Variants in TRABD2B observed in about 807,000 individuals in gnomAD.
TRABD2B encodes metalloprotease TIKI2.
Under a neutral mutation model 40.1 loss-of-function variants are expected in TRABD2B, and 14 were observed. That is an observed-to-expected ratio of 0.35 (90% CI 0.23 to 0.55). The LOEUF (loss-of-function observed/expected upper bound fraction) is 0.55. TRABD2B is among the 20% of genes least tolerant of loss of function. The probability of loss-of-function intolerance (pLI) is 0.90; values close to 1 mark genes in which losing one functional copy is unlikely to be tolerated. For missense variants in TRABD2B, 541 were observed against 648.6 expected (o/e 0.83, Z 1.80); for synonymous variants, 263 against 277.0 (o/e 0.95, Z 0.50).
intron 2 of TRABD2B, among the ~76,000 whole-genome samples, chr1:47,897,405 G>T (rs939892570): frequency 1.3e-5 from 2 of 152,114 alleles, no homozygotes; most frequent in Non-Finnish European, 1.5e-5. Flanking sequence ...CTGCGGAATG[G>T]CCCTGATGGA....
chr1:47,934,947 T>C (rs1260263417), intron 2 of TRABD2B, among the ~76,000 whole-genome samples: 4 of 152,186 alleles, frequency 2.6e-5, no homozygotes, highest in Non-Finnish European at 5.9e-5. Flanking sequence ...ACAGTCACAG[T>C]GAAAGGGGCC....
intron 4 of TRABD2B, among the ~76,000 whole-genome samples, chr1:47,779,899 G>A (rs776837050): frequency 1.3e-5 from 2 of 152,330 alleles, no homozygotes; most frequent in South Asian, 4.1e-4. Context: ...AGTAGAAAGT[G>A]GACAGGCTGT....
chr1:47,805,236 C>T (rs1387899890), intron 2 of TRABD2B, among the ~76,000 whole-genome samples: 3 of 152,000 alleles, frequency 2.0e-5, no homozygotes, highest in African/African-American at 7.3e-5. Flanking sequence ...CCACATTCAT[C>T]CACACACACT....
chr1:47,988,780 T>C (rs773251087), intron 2 of TRABD2B, among the ~76,000 whole-genome samples: 6 of 152,098 alleles, frequency 3.9e-5, no homozygotes, highest in Non-Finnish European at 8.8e-5. Context: ...AGCGCTCTCA[T>C]GGGACAAAGG....
At chr1:47,873,003 T>C (rs1343251534) in intron 2 of TRABD2B, among the ~76,000 whole-genome samples, 1 of 152,210 alleles carries the variant, frequency 6.6e-6, no homozygotes, top group Non-Finnish European at 1.5e-5. Flanking sequence ...GCAGATTCAG[T>C]GCCTGGTGGG....
At chr1:47,976,988 G>C (rs1357616473) in intron 2 of TRABD2B, among the ~76,000 whole-genome samples, 1 of 151,824 alleles carries the variant, frequency 6.6e-6, no homozygotes, top group East Asian at 1.9e-4. Context: ...TGTGATTCAG[G>C]TTTCACCAGT....
intron 2 of TRABD2B, among the ~76,000 whole-genome samples, chr1:47,836,369 G>A (rs1026141065): frequency 3.9e-5 from 6 of 152,318 alleles, no homozygotes; most frequent in African/African-American, 1.4e-4. Context: ...AGGCCACCCT[G>A]GTGGCCTGGC....
chr1:47,954,894 C>T (rs1165042345), intron 2 of TRABD2B, among the ~76,000 whole-genome samples: 1 of 152,174 alleles, frequency 6.6e-6, no homozygotes, highest in Non-Finnish European at 1.5e-5. Flanking sequence ...CTCTCTGTCT[C>T]TGTGCTCCAT....
chr1:47,889,509 G>T (rs1196112414), intron 2 of TRABD2B, among the ~76,000 whole-genome samples: 1 of 152,202 alleles, frequency 6.6e-6, no homozygotes, highest in African/African-American at 2.4e-5. Context: ...GTGGGGATAA[G>T]ACCTTGGAAG....
At chr1:47,778,865 T>G (rs182555351) in intron 4 of TRABD2B, among the ~76,000 whole-genome samples, 14 of 152,302 alleles carry the variant, frequency 9.2e-5, no homozygotes, top group African/African-American at 3.4e-4. Context: ...CTGCACGTAG[T>G]AAGGGCTCTC....
intron 2 of TRABD2B, among the ~76,000 whole-genome samples, chr1:47,930,347 T>C (rs1462812228): frequency 6.6e-6 from 1 of 152,112 alleles, no homozygotes; most frequent in African/African-American, 2.4e-5. Context: ...TGAGGGGTGT[T>C]GGGGTTTCTC....
At chr1:47,981,304 G>A (rs982481155) in intron 2 of TRABD2B, among the ~76,000 whole-genome samples, 2 of 152,132 alleles carry the variant, frequency 1.3e-5, no homozygotes, top group Admixed American at 1.3e-4. Flanking sequence ...ATAAGCCACT[G>A]CACCCGGCCA....
chr1:47,847,836 T>C lies in TRABD2B; in HGVS notation c.667-46217A>G, dbSNP rs555559632. 3.3e-5 allele frequency among the ~76,000 whole-genome samples: 5 copies of C among 152,336 alleles called. No individual in the cohort carries two copies. The South Asian group carries it at 8.3e-4, about 25-fold the overall frequency. On this transcript the variant is annotated intron_variant, in intron 2 of 6. Transcript: ENST00000606738. Reference sequence around the variant, plus strand: ...TTCAGAACTTGTAGGAAACGGCATATAAAACTCATATGGCACGTTAGGGCT... The same window carrying C: ...TTCAGAACTTGTAGGAAACGGCATACAAAACTCATATGGCACGTTAGGGCT...
Position 47,911,699 on chromosome 1 carries a change from G to A in TRABD2B, c.666+82335C>T, listed in dbSNP as rs183370847. Among the ~76,000 whole-genome samples, 93 of 152,314 alleles carry A rather than the reference G, an allele frequency of 6.1e-4. 2 individuals are homozygous for A. In the East Asian group the frequency reaches 0.017, roughly 28 times the overall value. On this transcript the variant is annotated intron_variant, in intron 2 of 6. Transcript: ENST00000606738. ...CCACAGCTCCAGAGCGCAGGCCCTC[G>A]TCTCCTCTATCCCTGTGTTGTCTCT...
Position 47,763,723 on chromosome 1 carries a change from C to T in TRABD2B, c.*2179G>A, listed in dbSNP as rs12085966. ...TCAAGCTCCATCTCAATACGTCTCA[C>T]GCCATACTCTGCCCCAAACAGAGAG... On this transcript the variant is annotated 3_prime_UTR_variant, in exon 7 of 7. Transcript: ENST00000606738. 18,576 of 152,276 alleles carry T rather than the reference C, an allele frequency of 0.12. 1,209 individuals are homozygous for T. The highest frequency in any genetic ancestry group is 0.15 in the Admixed American group (2,349 of 15,306). 9.4% of individuals were successfully genotyped at this position (152,276 alleles called of 1,614,324 possible). A position where few individuals can be genotyped will look rare whatever the true frequency, so the allele number is the denominator to read the frequency against.
At chr1:47,810,765 G>A (rs939867284) in intron 2 of TRABD2B, among the ~76,000 whole-genome samples, 1 of 152,228 alleles carries the variant, frequency 6.6e-6, no homozygotes, top group South Asian at 2.1e-4. Context: ...AAACCTTTAG[G>A]GGAAGAGAGG....
chr1:47,893,325 T>TGGCC (rs1644475258), intron 2 of TRABD2B, among the ~76,000 whole-genome samples: 1 of 152,134 alleles, frequency 6.6e-6, no homozygotes, highest in Admixed American at 6.5e-5. Flanking sequence ...ACAGAGTGCA[T>TGGCC]TCACAGAACC....
At chr1:47,941,468 A>G (rs535006331) in intron 2 of TRABD2B, among the ~76,000 whole-genome samples, 1 of 152,324 alleles carries the variant, frequency 6.6e-6, no homozygotes, top group East Asian at 1.9e-4. Context: ...ATGTGTGCCC[A>G]CTTACCCACA....
At chr1:47,812,067 C>T (rs1469743333) in intron 2 of TRABD2B, among the ~76,000 whole-genome samples, 2 of 152,232 alleles carry the variant, frequency 1.3e-5, no homozygotes, top group East Asian at 3.9e-4. Context: ...TACCCAGGGC[C>T]TCCACTCTGC....
Sources: gnomAD v4.1 joint callset for allele counts (sites outside exome capture counted in the v4.1 genomes callset) on GRCh38, gnomAD v4.1.1 for gene constraint, MANE v1.5 for transcripts, NCBI Gene and HGNC (gene_info 2026-07-23, HGNC 2026-07-21) for gene names.